The following ERBB4 variants were observed in gnomAD, a reference collection of about 807,000 sequenced individuals.
ERBB4 encodes the protein erb-b2 receptor tyrosine kinase 4.
Under a neutral mutation model 158.0 loss-of-function variants are expected in ERBB4, and 42 were observed. That is an observed-to-expected ratio of 0.27 (90% CI 0.21 to 0.34). The LOEUF (loss-of-function observed/expected upper bound fraction) is 0.34, where lower values mean the gene tolerates loss of function less well. Ranked by LOEUF, ERBB4 falls within the 10% of genes least tolerant of loss-of-function variation. ERBB4 has a pLI of 1.00. For synonymous variants in ERBB4, 583 were observed against 558.7 expected, an observed-to-expected ratio of 1.04 and a Z score of -0.61; for missense variants, 1,333 against 1,624.1, an observed-to-expected ratio of 0.82 and a Z score of 3.08.
intron 22 of ERBB4, among the ~76,000 whole-genome samples, chr2:211,426,409 C>T (rs772994966): frequency 2.6e-5 from 4 of 152,132 alleles, no homozygotes; most frequent in Non-Finnish European, 4.4e-5. Flanking sequence ...ACTTTATCTG[C>T]CTTTAACGCC....
At chr2:212,147,792 C>T (rs779428566) in intron 1 of ERBB4, among the ~76,000 whole-genome samples, 4 of 152,116 alleles carry the variant, frequency 2.6e-5, no homozygotes, top group African/African-American at 4.8e-5. Flanking sequence ...CTGAAGCCTA[C>T]CATTAACCCT....
chr2:212,419,727 T>C (rs1031635844), intron 1 of ERBB4, among the ~76,000 whole-genome samples: 12 of 152,046 alleles, frequency 7.9e-5, no homozygotes, highest in Admixed American at 5.2e-4. Context: ...TTGGCTTTTA[T>C]ATATTTTATG....
intron 1 of ERBB4, among the ~76,000 whole-genome samples, chr2:212,144,532 T>C (rs1156266383): frequency 6.6e-6 from 1 of 152,234 alleles, no homozygotes; most frequent in Non-Finnish European, 1.5e-5. Context: ...TCCACCATTA[T>C]CCTCAACTAT....
At chr2:211,582,267 A>T (rs994590795) in intron 19 of ERBB4, among the ~76,000 whole-genome samples, 21 of 152,268 alleles carry the variant, frequency 1.4e-4, no homozygotes, top group African/African-American at 5.1e-4. Context: ...ATTAATTGTT[A>T]TTGCTTTGTT....
chr2:211,567,711 A>C (rs2067591995), intron 19 of ERBB4, among the ~76,000 whole-genome samples: 1 of 152,166 alleles, frequency 6.6e-6, no homozygotes, highest in South Asian at 2.1e-4. Context: ...ATTTGAAACC[A>C]AATTGCAGAG....
At chr2:212,051,673 A>G (rs551388852) in intron 2 of ERBB4, among the ~76,000 whole-genome samples, 16 of 152,264 alleles carry the variant, frequency 1.1e-4, no homozygotes, top group Admixed American at 4.6e-4. Flanking sequence ...CCTTATTTTA[A>G]ACTATAATGT....
At chr2:211,709,132 G>A (rs1313706443) in intron 9 of ERBB4, among the ~76,000 whole-genome samples, 1 of 151,524 alleles carries the variant, frequency 6.6e-6, no homozygotes, top group East Asian at 1.9e-4. Flanking sequence ...ACTGCCTGAT[G>A]CATTTTTATT....
chr2:211,462,345 G>A (rs959605369), intron 20 of ERBB4, among the ~76,000 whole-genome samples: 2 of 151,976 alleles, frequency 1.3e-5, no homozygotes, highest in East Asian at 1.9e-4. Context: ...ATTACAATTC[G>A]ACATAAGATC....
At chr2:211,804,501 T>C (rs1237425429) in intron 3 of ERBB4, among the ~76,000 whole-genome samples, 1 of 152,164 alleles carries the variant, frequency 6.6e-6, no homozygotes, top group Non-Finnish European at 1.5e-5. Flanking sequence ...AATAGGCCAA[T>C]ACAATTCCAA....
intron 19 of ERBB4, among the ~76,000 whole-genome samples, chr2:211,583,838 TG>T (rs2068181009): frequency 6.6e-6 from 1 of 151,594 alleles, no homozygotes. Flanking sequence ...GTATAATTGT[TG>T]CTGTATTCTT....
chr2:211,867,899 G>A (rs554838498), intron 3 of ERBB4, among the ~76,000 whole-genome samples: 3 of 152,218 alleles, frequency 2.0e-5, no homozygotes, highest in South Asian at 2.1e-4. Context: ...CTATGACTGA[G>A]GACTTTAACT....
chr2:211,502,801 C>T (rs1377569458), intron 20 of ERBB4, among the ~76,000 whole-genome samples: 2 of 152,106 alleles, frequency 1.3e-5, no homozygotes, highest in Non-Finnish European at 2.9e-5. Flanking sequence ...TGGAGTTTCT[C>T]AGGCATATTT....
intron 19 of ERBB4, among the ~76,000 whole-genome samples, chr2:211,581,193 C>A (rs1447490265): frequency 1.3e-5 from 2 of 151,324 alleles, no homozygotes; most frequent in Admixed American, 6.6e-5. Context: ...ATGGGGGCAC[C>A]AAAATCTCAC....
intron 1 of ERBB4, among the ~76,000 whole-genome samples, chr2:212,423,782 A>C (rs2091848795): frequency 6.6e-6 from 1 of 152,204 alleles, no homozygotes; most frequent in Non-Finnish European, 1.5e-5. Context: ...GTGATACACC[A>C]TGCAAACAGA....
intron 20 of ERBB4, among the ~76,000 whole-genome samples, chr2:211,495,910 A>C (rs1426862020): frequency 6.6e-6 from 1 of 152,044 alleles, no homozygotes; most frequent in Admixed American, 6.6e-5. Flanking sequence ...AACCTATATA[A>C]CATGCTAAAA....
rs985334791 is a variant in ERBB4 at position 212,323,679 on chromosome 2, T to A, written c.83-198776A>T. 3.3e-5 allele frequency among the ~76,000 whole-genome samples: 5 copies of A among 150,618 alleles called. 1 individual carries two copies. The highest frequency in any genetic ancestry group is 7.4e-5 in the Non-Finnish European group (5 of 67,230). ...TTATAAACACAAAGTAAACAAAGTA[T>A]AAAAGTGCTTCAAGAGATTATTATG... is the stretch of plus-strand genomic sequence containing the variant. On this transcript the variant is annotated intron_variant, in intron 1 of 27. Coordinates refer to ENST00000342788, the MANE Select transcript of ERBB4 (RefSeq NM_005235.3).
At chr2:212,470,177 C>T (rs1384117390) in intron 1 of ERBB4, among the ~76,000 whole-genome samples, 2 of 151,914 alleles carry the variant, frequency 1.3e-5, no homozygotes, top group Admixed American at 1.3e-4. Flanking sequence ...TTGTTGTCAC[C>T]CATACCCAAC....
At chr2:211,654,148 A>G (rs1484892983) in intron 16 of ERBB4, among the ~76,000 whole-genome samples, 1 of 152,184 alleles carries the variant, frequency 6.6e-6, no homozygotes, top group Non-Finnish European at 1.5e-5. Context: ...CATTTGTTGC[A>G]ATACTGAAGA....
intron 3 of ERBB4, among the ~76,000 whole-genome samples, chr2:211,866,109 G>C (rs952042876): frequency 6.6e-6 from 1 of 152,074 alleles, no homozygotes; most frequent in Non-Finnish European, 1.5e-5. Context: ...AAATTAACCT[G>C]GTGTGGTGGC....
Sources: allele counts gnomAD v4.1 joint callset (sites outside exome capture counted in the v4.1 genomes callset), GRCh38; gene constraint gnomAD v4.1.1; transcripts MANE v1.5; gene names NCBI Gene and HGNC (gene_info 2026-07-23, HGNC 2026-07-21).